Variants in TNFAIP2 observed in about 807,000 individuals in gnomAD.
TNFAIP2 encodes the protein TNF alpha induced protein 2.
In TNFAIP2, 47 loss-of-function variants were observed where a neutral mutation model predicts 63.5. The observed-to-expected ratio is 0.74, with a 90% CI of 0.59 to 0.94. The LOEUF (loss-of-function observed/expected upper bound fraction) is 0.94. Ranked by LOEUF, TNFAIP2 falls within the 40% of genes least tolerant of loss-of-function variation. The pLI is 0.00. For synonymous variants in TNFAIP2, 405 were observed against 390.2 expected, an observed-to-expected ratio of 1.04 and a Z score of -0.45; for missense variants, 787 against 850.2, an observed-to-expected ratio of 0.93 and a Z score of 0.92.
chr14:103,134,916 G>A (rs1413737359), intron 11 of TNFAIP2, among the ~76,000 whole-genome samples: 41 of 152,242 alleles, frequency 2.7e-4, no homozygotes, highest in Admixed American at 2.6e-3. Context: ...CGACTTTAGA[G>A]ACAAGAAAGC....
In TNFAIP2 at chr14:103,135,893, C is replaced by T; in HGVS notation, c.*533C>T. ...AAAGAAGGAAAAGATGAGCTCTCGT[C>T]TGGCAGGGGCTTTTAGGGTCCTGTG... On this transcript the variant is annotated 3_prime_UTR_variant, in exon 12 of 12. Coordinates refer to ENST00000560869, the MANE Select transcript of TNFAIP2 (RefSeq NM_006291.4). This position sits in a 1 kb window ranked among gnomAD's most constrained non-coding sequence, Gnocchi z 7.6. 7.8e-7 allele frequency: 1 copy of T among 1,289,998 alleles called. No homozygotes were observed. The highest frequency in any genetic ancestry group is 2.3e-5 in the Admixed American group (1 of 43,588). 79.9% of individuals were successfully genotyped at this position (1,289,998 alleles called of 1,614,324 possible). A position where few individuals can be genotyped will look rare whatever the true frequency, so the allele number is the denominator to read the frequency against.
Position 103,126,802 on chromosome 14 carries a change from C to T in TNFAIP2, c.235+110C>T, listed in dbSNP as rs372103543. 4.2e-5 allele frequency: 57 copies of T among 1,346,986 alleles called. No homozygotes were observed. In the African/African-American group the frequency reaches 6.8e-4, roughly 16 times the overall value. The allele number at this position is 1,346,986 out of a possible 1,614,324, so 83.4% of individuals were successfully genotyped here. On this transcript the variant is annotated intron_variant, in intron 2 of 11. Transcript: ENST00000560869. Reference sequence around the variant, plus strand: ...GGCCGGCAAGTGGGGCTGGAAGGCGCGTCTGTCTCCCTGCTTTCACCTGTG... The same window carrying T: ...GGCCGGCAAGTGGGGCTGGAAGGCGTGTCTGTCTCCCTGCTTTCACCTGTG...
At position 103,135,021 on chromosome 14, in the gene TNFAIP2, C is replaced by T. The variant is rs903189561; in HGVS notation, c.1824-198C>T. Among the ~76,000 whole-genome samples, 10 of 152,136 alleles carry T rather than the reference C, an allele frequency of 6.6e-5. No individual in the cohort carries two copies. The highest frequency in any genetic ancestry group is 8.8e-5 in the Non-Finnish European group (6 of 68,038). On this transcript the variant is annotated intron_variant, in intron 11 of 11. Transcript: ENST00000560869. The surrounding 1 kb of genome is among the most constrained non-coding windows in gnomAD (Gnocchi z 7.6). The stretch of plus-strand genomic sequence containing the variant: ...GAACATTGCAGGGGAACAGCCGGTG[C>T]GGAGGCCTGAAGCAGGCTGGGGCAT...
Position 103,135,286 on chromosome 14 carries a change from C to T in TNFAIP2, c.1891C>T (p.Arg631Trp), listed in dbSNP as rs774873377. 56 of 1,613,868 alleles carry T rather than the reference C, an allele frequency of 3.5e-5. No homozygotes were observed. Among genetic ancestry groups the T allele is most frequent in the Non-Finnish European group, 4.6e-5 (54 of 1,179,992 alleles). The change falls in exon 12 of 12, where the codon CGG (arginine) becomes TGG (tryptophan). Residue 631 changes from arginine (R) to tryptophan (W), a missense_variant. Arg to Trp is a moderately radical substitution (Grantham distance 101). Transcript: ENST00000560869. The surrounding 1 kb of genome is among the most constrained non-coding windows in gnomAD (Gnocchi z 7.6). Reference protein sequence around the residue: ...NLSNSEVKRIRSILDVSMGAQ... With the variant: ...NLSNSEVKRIWSILDVSMGAQ... ...ATCCAACAGTGAGGTCAAGCGCATCCGGAGCATCTTGGACGTCAGCATGGG... is the reference window on the plus strand; with the variant it reads ...ATCCAACAGTGAGGTCAAGCGCATCTGGAGCATCTTGGACGTCAGCATGGG...
At chr14:103,130,452 C>T (rs1233013354) in intron 6 of TNFAIP2, 37 bp downstream of exon 6, 22 of 1,541,464 alleles carry the variant, frequency 1.4e-5, no homozygotes, top group Middle Eastern at 2.2e-4. Context: ...CTGTAGCCAC[C>T]GCTCTCAGAG....
At chr14:103,133,213 A>G (rs375659061) in intron 9 of TNFAIP2, 149 bp from the exon 10 acceptor site, 6 of 999,976 alleles carry the variant, frequency 6.0e-6, no homozygotes, top group African/African-American at 3.3e-5. Context: ...TGAGCATGTG[A>G]ACGCACACAT....
rs2087973442 is a variant in TNFAIP2 at position 103,131,569 on chromosome 14, G to C, written c.1299-70G>C. 1.3e-6 allele frequency: 2 copies of C among 1,502,932 alleles called. No individual in the cohort carries two copies. The highest frequency in any genetic ancestry group is 2.4e-5 in the East Asian group (1 of 41,058). 93.1% of individuals were successfully genotyped at this position (1,502,932 alleles called of 1,614,324 possible). On this transcript the variant is annotated intron_variant, in intron 7 of 11. Transcript: ENST00000560869. The surrounding 1 kb of genome is among the most constrained non-coding windows in gnomAD (Gnocchi z 4.0). The stretch of plus-strand genomic sequence containing the variant: ...GGTTCTAGAGTGAAGAGAGGGGGCT[G>C]TCTGGCTCCCTGGGTATGGGGCTAT...
At chr14:103,123,304 G>C (rs1013976727), upstream of TNFAIP2, 2 of 152,814 alleles carry the variant, frequency 1.3e-5, no homozygotes, top group African/African-American at 4.8e-5. Context: ...GGCCGGGCGC[G>C]CCCAGCCCCT....
At chr14:103,125,605 G>T (rs551800347) in intron 1 of TNFAIP2, among the ~76,000 whole-genome samples, 5 of 152,312 alleles carry the variant, frequency 3.3e-5, no homozygotes, top group African/African-American at 1.2e-4. Context: ...TTCTGGACCC[G>T]AGTTGCTGTG....
intron 1 of TNFAIP2, among the ~76,000 whole-genome samples, chr14:103,125,040 G>C (rs2087824948): frequency 6.6e-6 from 1 of 152,216 alleles, no homozygotes; most frequent in South Asian, 2.1e-4. Flanking sequence ...TGCTGTGCTT[G>C]GGGCAAACAC....
At position 103,135,169 on chromosome 14, in the gene TNFAIP2, A is replaced by C. The variant is rs1178256631; in HGVS notation, c.1824-50A>C. On this transcript the variant is annotated intron_variant, in intron 11 of 11. Transcript: ENST00000560869. This position sits in a 1 kb window ranked among gnomAD's most constrained non-coding sequence, Gnocchi z 7.6. ...TGGCCGGGAGTGCAGGGAGCTGGTG[A>C]GTAGGGGTGTGGGTGACAGGCTGGG... The C allele has an allele frequency of 2.5e-6, 4 of 1,611,942 alleles. No individual in the cohort carries two copies. The Admixed American group carries it at 5.0e-5, about 20-fold the overall frequency.
Position 103,130,013 on chromosome 14 carries a change from G to A in TNFAIP2, c.987G>A (p.Arg329=). The change falls in exon 5 of 12, where the codon AGG becomes AGA. Residue 329 remains arginine, a synonymous_variant. Coordinates refer to ENST00000560869, the MANE Select transcript of TNFAIP2 (RefSeq NM_006291.4). ...CCCTCCTCCTCCAGGCCAATGTGAG[G>A]GAGTTGATGGACCGAGCTCTGGAGC... ...TFLSSEAANV[R]ELMDRALELE... 6.2e-7 allele frequency: 1 copy of A among 1,612,166 alleles called. No homozygotes were observed. Among genetic ancestry groups the A allele is most frequent in the Non-Finnish European group, 8.5e-7 (1 of 1,179,894 alleles).
chr14:103,136,047 C>T lies in TNFAIP2; in HGVS notation c.*687C>T, dbSNP rs1344409078. ...CCAAGGCCTCAACTAGAGGGTGGTC[C>T]CCCGAGGGCTTGGTGTCTACTACCG... On this transcript the variant is annotated 3_prime_UTR_variant, in exon 12 of 12. Transcript: ENST00000560869. 10 of 1,255,164 alleles carry T rather than the reference C, an allele frequency of 8.0e-6. No individual in the cohort carries two copies. The highest frequency in any genetic ancestry group is 3.2e-4 in the Middle Eastern group (1 of 3,162). 77.8% of individuals were successfully genotyped at this position (1,255,164 alleles called of 1,614,324 possible). A position where few individuals can be genotyped will look rare whatever the true frequency, so the allele number is the denominator to read the frequency against.
intron 5 of TNFAIP2, 89 bp from the exon 6 acceptor site, chr14:103,130,226 A>AC: frequency 6.6e-7 from 1 of 1,524,126 alleles, no homozygotes; most frequent in African/African-American, 1.4e-5. Flanking sequence ...ACCTCGGGGC[A>AC]CCCCCTCTGT....
chr14:103,121,554 A>G (rs1323751981), upstream of TNFAIP2, among the ~76,000 whole-genome samples: 1 of 152,230 alleles, frequency 6.6e-6, no homozygotes, highest in Non-Finnish European at 1.5e-5. Flanking sequence ...TTGGGCCTCC[A>G]TGCTGCCCCA....
At chr14:103,129,041 GC>G (rs1327704885) in intron 3 of TNFAIP2, among the ~76,000 whole-genome samples, 1 of 152,228 alleles carries the variant, frequency 6.6e-6, no homozygotes, top group Non-Finnish European at 1.5e-5. Flanking sequence ...CAGACAAAGG[GC>G]CCTTAGGAAG....
Position 103,133,514 on chromosome 14 carries a change from G to C in TNFAIP2, c.1698G>C (p.Gln566His). 1 of 1,613,334 alleles carries C rather than the reference G, an allele frequency of 6.2e-7. No individual in the cohort carries two copies. The highest frequency in any genetic ancestry group is 8.5e-7 in the Non-Finnish European group (1 of 1,179,580). ...NADTIQHFCTQHGSPATWLQP... is the reference protein window; with the variant it reads ...NADTIQHFCTHHGSPATWLQP... ...ACACCATCCAGCACTTCTGCACCCA[G>C]CACGTAAGCCGCTGCCCACCTCTCC... The change falls in exon 10 of 12, where the codon CAG (glutamine) becomes CAC (histidine). Residue 566 changes from glutamine to histidine, a missense_variant. Physicochemically the swap from Gln to His is conservative, Grantham distance 24. Coordinates refer to ENST00000560869, the MANE Select transcript of TNFAIP2 (RefSeq NM_006291.4).
rs1258498270 is a variant in TNFAIP2 at position 103,135,216 on chromosome 14, C to G, written c.1824-3C>G. 6.2e-7 allele frequency: 1 copy of G among 1,613,692 alleles called. No homozygotes were observed. Among genetic ancestry groups the G allele is most frequent in the Admixed American group, 1.7e-5 (1 of 60,004 alleles). ...TGGGCTGACAGGATGCTCTCTTTGC[C>G]AGCAAAGGCCACCTGAGCGCTATCC... On this transcript the variant is annotated splice_region_variant and splice_polypyrimidine_tract_variant and intron_variant, in intron 11 of 11. Coordinates refer to ENST00000560869, the MANE Select transcript of TNFAIP2 (RefSeq NM_006291.4). This position sits in a 1 kb window ranked among gnomAD's most constrained non-coding sequence, Gnocchi z 7.6.
In TNFAIP2 at chr14:103,127,310, A is replaced by C. The variant is rs1229111790; in HGVS notation, c.541A>C (p.Thr181Pro). The change falls in exon 3 of 12, where the codon ACG (threonine) becomes CCG (proline). Residue 181 changes from threonine to proline, a missense_variant. Coordinates refer to ENST00000560869, the MANE Select transcript of TNFAIP2 (RefSeq NM_006291.4). The surrounding 1 kb of genome is among the most constrained non-coding windows in gnomAD (Gnocchi z 5.1). ...GCCGGGGACCTCGGGGCTGGCGGCC[A>C]CGCGCCCGCGGCGCTGGCTGCAGCT... ...AGPGTSGLAA[T>P]RPRRWLQLWR... 2 of 991,226 alleles carry C rather than the reference A, an allele frequency of 2.0e-6. No individual in the cohort carries two copies. Among genetic ancestry groups the C allele is most frequent in the African/African-American group, 1.8e-5 (1 of 56,580 alleles). 61.4% of individuals were successfully genotyped at this position (991,226 alleles called of 1,614,324 possible). A position where few individuals can be genotyped will look rare whatever the true frequency, so the allele number is the denominator to read the frequency against.
Sources: allele counts gnomAD v4.1 joint callset (sites outside exome capture counted in the v4.1 genomes callset), GRCh38; gene constraint gnomAD v4.1.1; non-coding constraint Gnocchi (gnomAD v3.1); transcripts MANE v1.5; gene names NCBI Gene and HGNC (gene_info 2026-07-23, HGNC 2026-07-21).